CSMD1: variants seen among roughly 807,000 people sequenced by gnomAD.
CSMD1 encodes the protein CUB and sushi domain-containing protein 1.
CSMD1 carries 213 observed loss-of-function variants against 417.5 expected under a neutral mutation model. That is an observed-to-expected ratio of 0.51 (90% CI 0.46 to 0.57). CSMD1 has a LOEUF of 0.57. Ranked by LOEUF, CSMD1 falls within the 20% of genes least tolerant of loss-of-function variation. CSMD1 has a pLI of 0.00. For synonymous variants in CSMD1, 2,862 were observed against 1,736.8 expected, an observed-to-expected ratio of 1.65 and a Z score of -16.11; for missense variants, 6,923 against 4,529.7, an observed-to-expected ratio of 1.53 and a Z score of -15.17.
intron 3 of CSMD1, among the ~76,000 whole-genome samples, chr8:4,202,958 G>A (rs913829670): frequency 6.6e-6 from 1 of 152,082 alleles, no homozygotes; most frequent in African/African-American, 2.4e-5. Context: ...GCAGTTGTGG[G>A]AGGAGAACGA....
At chr8:3,667,271 T>C (rs116648991) in intron 7 of CSMD1, among the ~76,000 whole-genome samples, 2,321 of 152,240 alleles carry the variant, frequency 0.015, 53 homozygotes, top group African/African-American at 0.053. Flanking sequence ...TTTTATGATA[T>C]GTCAGATTAT....
intron 5 of CSMD1, among the ~76,000 whole-genome samples, chr8:3,770,771 C>G (rs1382936065): frequency 6.6e-6 from 1 of 152,120 alleles, no homozygotes; most frequent in African/African-American, 2.4e-5. Flanking sequence ...CAAACCCATA[C>G]TTAATTGCAG....
chr8:4,731,000 A>G (rs1413218755), intron 1 of CSMD1, among the ~76,000 whole-genome samples: 5 of 152,104 alleles, frequency 3.3e-5, no homozygotes, highest in East Asian at 1.9e-4. Context: ...GTTCTATGTC[A>G]TGGTTTTAAA....
chr8:3,574,824 C>A, intron 10 of CSMD1, 121 bp downstream of exon 10: 1 of 1,192,094 alleles, frequency 8.4e-7, no homozygotes, highest in Non-Finnish European at 1.2e-6. Flanking sequence ...GCAGCTGGAA[C>A]TTTTAAATTC....
intron 52 of CSMD1, among the ~76,000 whole-genome samples, chr8:3,011,192 A>G (rs1585145160): frequency 6.6e-6 from 1 of 152,150 alleles, no homozygotes; most frequent in African/African-American, 2.4e-5. Context: ...TGACAGAAAA[A>G]CCCACCGCTG....
At chr8:3,473,285 A>C (rs1488795548) in intron 11 of CSMD1, among the ~76,000 whole-genome samples, 1 of 152,194 alleles carries the variant, frequency 6.6e-6, no homozygotes, top group Non-Finnish European at 1.5e-5. Context: ...ATCAAATGTC[A>C]AATCAGGTTT....
At chr8:4,318,367 G>T (rs954538304) in intron 3 of CSMD1, among the ~76,000 whole-genome samples, 3 of 151,966 alleles carry the variant, frequency 2.0e-5, no homozygotes, top group African/African-American at 7.3e-5. Flanking sequence ...GCACACATGT[G>T]CACACTCTCG....
At position 3,369,360 on chromosome 8, in the gene CSMD1, T is replaced by A. The variant is rs775508650; in HGVS notation, c.2793A>T (p.Gly931=). The part of the protein sequence containing the change: ...HALPSCDALC[G]GYIQGKSGTV... ...TTCCACTCTTCCCTTGGATGTAGCC[T>A]CCACATAGAGCTTAAAATAATAAAG... is the stretch of plus-strand genomic sequence containing the variant. The change falls in exon 19 of 70, where the codon GGA becomes GGT. Residue 931 remains glycine (G), a synonymous_variant. Transcript: ENST00000635120. 2 of 1,539,102 alleles carry A rather than the reference T, an allele frequency of 1.3e-6. No homozygotes were observed. The highest frequency in any genetic ancestry group is 1.8e-6 in the Non-Finnish European group (2 of 1,113,270).
chr8:3,391,736 G>A (rs1041958589), intron 17 of CSMD1, among the ~76,000 whole-genome samples: 2 of 152,192 alleles, frequency 1.3e-5, no homozygotes, highest in East Asian at 1.9e-4. Flanking sequence ...TAGCACCGCT[G>A]CAAATATAAG....
chr8:3,999,941 TTAA>T (rs1188341625), intron 4 of CSMD1, among the ~76,000 whole-genome samples: 1 of 152,210 alleles, frequency 6.6e-6, no homozygotes, highest in African/African-American at 2.4e-5. Flanking sequence ...TATTTTAAGA[TTAA>T]TAATTATTAA....
At chr8:2,989,420 A>T (rs59008127) in intron 54 of CSMD1, among the ~76,000 whole-genome samples, 5,736 of 152,312 alleles carry the variant, frequency 0.038, 344 homozygotes, top group African/African-American at 0.13. Flanking sequence ...TGATCCAGGC[A>T]CTTCTAATCA....
At position 3,574,966 on chromosome 8, in the gene CSMD1, G is replaced by A. The variant is rs766723328; in HGVS notation, c.1323C>T (p.Ile441=). ...TTACCTTGTCCGGGTCGGTGGTGGT[G>A]ATGACCCACACACAGTGTGCATTAT... is the stretch of plus-strand genomic sequence containing the variant. ...YEDNAHCVWV[I]TTTDPDKVIK... Residue 441 remains isoleucine, a synonymous_variant, in exon 10 of 70, where the codon ATC becomes ATT. Transcript: ENST00000635120. 59 of 1,612,448 alleles carry A rather than the reference G, an allele frequency of 3.7e-5. No homozygotes were observed. Among genetic ancestry groups the A allele is most frequent in the Non-Finnish European group, 4.7e-5 (55 of 1,179,704 alleles).
intron 4 of CSMD1, among the ~76,000 whole-genome samples, chr8:4,027,508 C>G (rs185907055): frequency 1.1e-3 from 173 of 152,222 alleles, no homozygotes; most frequent in East Asian, 7.6e-3. Flanking sequence ...AAGGGTCTTT[C>G]ACCCTTCACT....
chr8:4,092,279 G>C (rs1042700323), intron 3 of CSMD1, among the ~76,000 whole-genome samples: 1 of 152,264 alleles, frequency 6.6e-6, no homozygotes, highest in Non-Finnish European at 1.5e-5. Flanking sequence ...AACCAACTGA[G>C]TATGGGAAAC....
intron 2 of CSMD1, among the ~76,000 whole-genome samples, chr8:4,467,130 A>AAG (rs1470679965): frequency 6.6e-6 from 1 of 150,626 alleles, no homozygotes; most frequent in Non-Finnish European, 1.5e-5. Context: ...AGTAAAAAAA[A>AAG]AAAAAAAAAA....
At chr8:4,867,105 T>C (rs1802462754) in intron 1 of CSMD1, among the ~76,000 whole-genome samples, 1 of 152,086 alleles carries the variant, frequency 6.6e-6, no homozygotes, top group African/African-American at 2.4e-5. Flanking sequence ...AAAGTGACCC[T>C]TGTGATATGA....
At chr8:4,902,136 A>G (rs993726344) in intron 1 of CSMD1, among the ~76,000 whole-genome samples, 2 of 152,158 alleles carry the variant, frequency 1.3e-5, no homozygotes, top group African/African-American at 2.4e-5. Context: ...GAAGTTTGTT[A>G]AAAAGAAAAA....
intron 2 of CSMD1, among the ~76,000 whole-genome samples, chr8:4,481,278 C>T (rs1477179792): frequency 2.0e-5 from 3 of 152,234 alleles, no homozygotes; most frequent in Admixed American, 6.5e-5. Flanking sequence ...CCTGCTGTGC[C>T]AGCCCTATCA....
chr8:4,311,092 A>G (rs773487712), intron 3 of CSMD1, among the ~76,000 whole-genome samples: 2 of 152,194 alleles, frequency 1.3e-5, no homozygotes, highest in Admixed American at 6.5e-5. Flanking sequence ...GCAATGTGGC[A>G]TATCTTCAAA....
Sources: gnomAD v4.1 joint callset for allele counts (sites outside exome capture counted in the v4.1 genomes callset) on GRCh38, gnomAD v4.1.1 for gene constraint, MANE v1.5 for transcripts, NCBI Gene and HGNC (gene_info 2026-07-23, HGNC 2026-07-21) for gene names.